MED23: variants seen among roughly 807,000 people sequenced by gnomAD.
MED23 encodes the protein mediator of RNA polymerase II transcription subunit 23.
MED23 carries 105 observed loss-of-function variants against 163.9 expected under a neutral mutation model. The observed-to-expected ratio is 0.64, with a 90% CI of 0.55 to 0.75. The LOEUF is 0.75. Among genes scored for constraint, MED23 ranks in the 30% least tolerant of loss-of-function variants. The pLI is 0.00. For synonymous variants in MED23, 561 were observed against 565.6 expected, an observed-to-expected ratio of 0.99 and a Z score of 0.12; for missense variants, 1,054 against 1,649.0, an observed-to-expected ratio of 0.64 and a Z score of 6.25.
Position 131,619,811 on chromosome 6 carries a change from A to G in MED23, c.667+16T>C. 6.3e-7 allele frequency: 1 copy of G among 1,582,236 alleles called. No homozygotes were observed. The highest frequency in any genetic ancestry group is 1.1e-5 in the South Asian group (1 of 90,410). Reference sequence around the variant, plus strand: ...AAATCAGGTACTATTTGGCATATTTAAAATTATAATCCTACCACAAATGGA... The same window carrying G: ...AAATCAGGTACTATTTGGCATATTTGAAATTATAATCCTACCACAAATGGA... On this transcript the variant is annotated intron_variant, in intron 8 of 28. Coordinates refer to ENST00000368068, the MANE Select transcript of MED23 (RefSeq NM_004830.4).
At position 131,620,363 on chromosome 6, in the gene MED23, T is replaced by A. The variant is rs1402434652; in HGVS notation, c.597+265A>T. Reference sequence around the variant, plus strand: ...GTACAGTGGTGTGATCACAGCTCACTGCAGCCTCAAACTCCTGGTTTCAAG... The same window carrying A: ...GTACAGTGGTGTGATCACAGCTCACAGCAGCCTCAAACTCCTGGTTTCAAG... On this transcript the variant is annotated intron_variant, in intron 7 of 28. Coordinates refer to ENST00000368068, the MANE Select transcript of MED23 (RefSeq NM_004830.4). 3.3e-5 allele frequency among the ~76,000 whole-genome samples: 5 copies of A among 152,144 alleles called. No individual in the cohort carries two copies. In the South Asian group the frequency reaches 1.0e-3, roughly 32 times the overall value.
chr6:131,627,812 T>C, intron 1 of MED23, 140 bp from the exon 2 acceptor site: 1 of 1,050,754 alleles, frequency 9.5e-7, no homozygotes, highest in Non-Finnish European at 1.5e-6. Flanking sequence ...CCTGTCACTG[T>C]ATCGATTTCA....
At chr6:131,583,145 C>G (rs757518422), downstream of MED23, 12 of 1,613,742 alleles carry the variant, frequency 7.4e-6, no homozygotes, top group Non-Finnish European at 9.3e-6. Flanking sequence ...GGAAGAAACA[C>G]TCAGCTATCT....
intron 15 of MED23, among the ~76,000 whole-genome samples, chr6:131,603,759 G>A (rs1460586855): frequency 2.0e-5 from 3 of 148,196 alleles, no homozygotes; most frequent in Non-Finnish European, 3.1e-5. Flanking sequence ...TATAATAAAT[G>A]AGACATTATA....
rs752143273 is a variant in MED23, at chr6:131,598,211, G to C, written c.2607+76C>G. The stretch of plus-strand genomic sequence containing the variant: ...TCATTAAATCCTTCAAAGCAATATA[G>C]AGCAGATTGGCATAACATATATTAG... On this transcript the variant is annotated intron_variant, in intron 20 of 28. Transcript: ENST00000368068. This position sits in a 1 kb window ranked among gnomAD's most constrained non-coding sequence, Gnocchi z 4.7. 15 of 1,354,374 alleles carry C rather than the reference G, an allele frequency of 1.1e-5. No homozygotes were observed. In the Admixed American group the frequency reaches 1.6e-4, roughly 14 times the overall value. The allele number at this position is 1,354,374 out of a possible 1,614,324, so 83.9% of individuals were successfully genotyped here.
intron 7 of MED23, 139 bp downstream of exon 7, chr6:131,620,489 A>C: frequency 7.4e-6 from 5 of 673,858 alleles, no homozygotes; most frequent in Non-Finnish European, 5.4e-6. Flanking sequence ...TTGCAGAGAC[A>C]GAGTCTTGTT....
intron 3 of MED23, 86 bp from the exon 4 acceptor site, chr6:131,625,075 A>G (rs1777386548): frequency 7.2e-7 from 1 of 1,383,916 alleles, no homozygotes; most frequent in East Asian, 2.3e-5. Flanking sequence ...AAGTATACCA[A>G]TACTATGAAA....
intron 14 of MED23, 55 bp from the exon 15 acceptor site, chr6:131,604,375 G>T: frequency 6.4e-7 from 1 of 1,551,356 alleles, no homozygotes; most frequent in Non-Finnish European, 8.9e-7. Context: ...CATAAACATA[G>T]GGGCTACTCT....
At position 131,587,935 on chromosome 6, in the gene MED23, A is replaced by T. The variant is rs1005063843; in HGVS notation, c.3940-89T>A. ...GCAGGATTTACACATATCCGGAGAC[A>T]ATAAACTAAGGAGTGTCGTGGGGTA... On this transcript the variant is annotated intron_variant, in intron 28 of 28. Coordinates refer to ENST00000368068, the MANE Select transcript of MED23 (RefSeq NM_004830.4). The T allele has an allele frequency of 5.2e-6, 6 of 1,161,900 alleles. No homozygotes were observed. The African/African-American group carries it at 9.2e-5, about 18-fold the overall frequency. 72.0% of individuals were successfully genotyped at this position (1,161,900 alleles called of 1,614,324 possible). A position where few individuals can be genotyped will look rare whatever the true frequency, so the allele number is the denominator to read the frequency against.
chr6:131,622,524 T>C (rs544528747), intron 5 of MED23, among the ~76,000 whole-genome samples: 1 of 152,288 alleles, frequency 6.6e-6, no homozygotes, highest in Non-Finnish European at 1.5e-5. Context: ...TTATCTGATA[T>C]ATAAAGAAGA....
Position 131,594,837 on chromosome 6 carries a change from C to CAAAA in MED23, c.2996-506_2996-503dup, listed in dbSNP as rs1209659012. On this transcript the variant is annotated intron_variant, in intron 22 of 28. Coordinates refer to ENST00000368068, the MANE Select transcript of MED23 (RefSeq NM_004830.4). ...ACAAACAAACAAACAAACAAACAAA[C>CAAAA]AAAACCAGCCAGGATATCTAAGAGG... 7.9e-4 allele frequency among the ~76,000 whole-genome samples: 90 copies of CAAAA among 113,770 alleles called. 11 individuals carry two copies. The highest frequency in any genetic ancestry group is 2.1e-3 in the East Asian group (8 of 3,804). 74.6% of individuals were successfully genotyped at this position (113,770 alleles called of 152,430 possible).
In MED23 at chr6:131,587,670, A is replaced by C. The variant is rs201149484; in HGVS notation, c.*9T>G. 6.2e-7 allele frequency: 1 copy of C among 1,614,122 alleles called. No individual in the cohort carries two copies. The highest frequency in any genetic ancestry group is 2.2e-5 in the East Asian group (1 of 44,870). ...TATATTTCTACTTTCTCCACAGTACAGTCTGGCTTCACTGAGTTACTGGTA... is the reference window on the plus strand; with the variant it reads ...TATATTTCTACTTTCTCCACAGTACCGTCTGGCTTCACTGAGTTACTGGTA... On this transcript the variant is annotated 3_prime_UTR_variant, in exon 29 of 29. Coordinates refer to ENST00000368068, the MANE Select transcript of MED23 (RefSeq NM_004830.4).
At position 131,610,163 on chromosome 6, in the gene MED23, C is replaced by A; in HGVS notation, c.960G>T (p.Lys320Asn). 1 of 1,614,072 alleles carries A rather than the reference C, an allele frequency of 6.2e-7. No homozygotes were observed. Among genetic ancestry groups the A allele is most frequent in the Non-Finnish European group, 8.5e-7 (1 of 1,179,970 alleles). Residue 320 changes from lysine (K) to asparagine (N), a missense_variant, in exon 11 of 29, where the codon AAG (lysine) becomes AAT (asparagine). Lys to Asn is a moderately conservative substitution (Grantham distance 94, BLOSUM62 0). Coordinates refer to ENST00000368068, the MANE Select transcript of MED23 (RefSeq NM_004830.4). ...GTTGGCTTGTTCCCCCATCGTCAAACTTCTCCTCGGTCTCAGATCGCTCCA... is the reference window on the plus strand; with the variant it reads ...GTTGGCTTGTTCCCCCATCGTCAAAATTCTCCTCGGTCTCAGATCGCTCCA... Reference protein sequence around the residue: ...YAMERSETEEKFDDGGTSQLL... With the variant: ...YAMERSETEENFDDGGTSQLL...
chr6:131,612,060 T>C (rs1191983592), intron 10 of MED23, among the ~76,000 whole-genome samples: 1 of 152,104 alleles, frequency 6.6e-6, no homozygotes, highest in Non-Finnish European at 1.5e-5. Flanking sequence ...GCTGATGGTC[T>C]TTCAATATAT....
In MED23 at chr6:131,618,406, C is replaced by A; in HGVS notation, c.780+1G>T. The A allele has an allele frequency of 6.2e-7, 1 of 1,605,078 alleles. No homozygotes were observed. The highest frequency in any genetic ancestry group is 1.7e-4 in the Middle Eastern group (1 of 6,034). ...AAGTGCCATTATATTTAGCAACATACCTTATCATATGGCAAAAGGCCTTTC... is the reference window on the plus strand; with the variant it reads ...AAGTGCCATTATATTTAGCAACATAACTTATCATATGGCAAAAGGCCTTTC... On this transcript the variant is annotated splice_donor_variant, in intron 9 of 28. Coordinates refer to ENST00000368068, the MANE Select transcript of MED23 (RefSeq NM_004830.4). LOFTEE classifies it high-confidence loss of function.
chr6:131,618,286 T>C, intron 9 of MED23, 121 bp downstream of exon 9: 2 of 754,490 alleles, frequency 2.7e-6, no homozygotes, highest in Non-Finnish European at 4.7e-6. Context: ...AACTATAAAC[T>C]ATCTTTCATT....
At chr6:131,591,229 C>T (rs770475069) in intron 26 of MED23, 84 bp downstream of exon 26, 113 of 1,030,896 alleles carry the variant, frequency 1.1e-4, no homozygotes, top group Non-Finnish European at 1.5e-4. Flanking sequence ...CTGCCCACCT[C>T]GGCCTCCCAA....
At chr6:131,590,783 T>G (rs978909953) in intron 26 of MED23, among the ~76,000 whole-genome samples, 1 of 151,888 alleles carries the variant, frequency 6.6e-6, no homozygotes, top group African/African-American at 2.4e-5. Context: ...CACGCCTGGC[T>G]AATTCTTTTA....
chr6:131,618,819 G>T (rs1231397489), intron 8 of MED23, among the ~76,000 whole-genome samples: 1 of 152,220 alleles, frequency 6.6e-6, no homozygotes, highest in South Asian at 2.1e-4. Context: ...TTTTTGTAAA[G>T]TTTTATTGGA....
Sources: gnomAD v4.1 joint callset for allele counts (sites outside exome capture counted in the v4.1 genomes callset) on GRCh38, gnomAD v4.1.1 for gene constraint, Gnocchi (gnomAD v3.1) non-coding constraint, MANE v1.5 for transcripts, NCBI Gene and HGNC (gene_info 2026-07-23, HGNC 2026-07-21) for gene names.